METTL15: variants seen among roughly 807,000 people sequenced by gnomAD.
The protein encoded by METTL15 is methyltransferase 15, mitochondrial 12S rRNA N4-cytidine, also known as 12S rRNA N(4)-cytidine methyltransferase METTL15.
A neutral mutation model predicts 38.3 loss-of-function variants in METTL15; 34 were observed. That is an observed-to-expected ratio of 0.89 (90% CI 0.68 to 1.18). The LOEUF is 1.18. METTL15 is among the 50% of genes most tolerant of loss of function. The pLI is 0.00. For missense variants in METTL15, 438 were observed against 498.4 expected (o/e 0.88, Z 1.15); for synonymous variants, 162 against 170.9 (o/e 0.95, Z 0.41).
At chr11:28,256,882 G>A (rs902965796) in intron 4 of METTL15, among the ~76,000 whole-genome samples, 3 of 151,914 alleles carry the variant, frequency 2.0e-5, no homozygotes, top group Non-Finnish European at 4.4e-5. Context: ...TTATCCTACA[G>A]GTTTTGTTAT....
intron 6 of METTL15, among the ~76,000 whole-genome samples, chr11:28,475,315 G>A (rs1851336701): frequency 6.6e-6 from 1 of 152,312 alleles, no homozygotes; most frequent in South Asian, 2.1e-4. Flanking sequence ...CTCTTCACCA[G>A]CTTGGTGGTG....
At chr11:28,382,819 G>C (rs567535628) in intron 5 of METTL15, among the ~76,000 whole-genome samples, 1 of 150,976 alleles carries the variant, frequency 6.6e-6, no homozygotes, top group African/African-American at 2.4e-5. Context: ...TGGGCAACAA[G>C]AGTGAAACTC....
At chr11:28,195,086 T>A (rs1269593610) in intron 3 of METTL15, among the ~76,000 whole-genome samples, 1 of 152,172 alleles carries the variant, frequency 6.6e-6, no homozygotes, top group African/African-American at 2.4e-5. Context: ...ACATTTTCTT[T>A]ATCCACTCTT....
intron 3 of METTL15, among the ~76,000 whole-genome samples, chr11:28,197,715 C>A (rs532792568): frequency 2.0e-5 from 3 of 152,084 alleles, no homozygotes; most frequent in Non-Finnish European, 4.4e-5. Context: ...ATTGTACATG[C>A]ATGTTTGCAC....
intron 3 of METTL15, among the ~76,000 whole-genome samples, chr11:28,348,395 T>C (rs979117801): frequency 1.3e-5 from 2 of 152,208 alleles, no homozygotes; most frequent in African/African-American, 4.8e-5. Context: ...TAAGACAGGG[T>C]CTCACCCTAT....
chr11:28,161,521 A>G (rs1850463375), intron 3 of METTL15, among the ~76,000 whole-genome samples: 1 of 152,184 alleles, frequency 6.6e-6, no homozygotes, highest in African/African-American at 2.4e-5. Flanking sequence ...AGCAGGTCAC[A>G]TTTATTAGTT....
chr11:28,165,876 T>C (rs1156924392), intron 3 of METTL15, among the ~76,000 whole-genome samples: 1 of 152,170 alleles, frequency 6.6e-6, no homozygotes, highest in African/African-American at 2.4e-5. Flanking sequence ...TATGAAGATA[T>C]CCAGTTTTTC....
At chr11:28,507,959 A>C (rs1074267) in intron 6 of METTL15, among the ~76,000 whole-genome samples, 60,520 of 151,962 alleles carry the variant, frequency 0.4, 13,785 homozygotes, top group Admixed American at 0.52. Flanking sequence ...TATCATCTCA[A>C]AACCTCCCAG....
chr11:28,451,264 G>C (rs904982038), intron 6 of METTL15, among the ~76,000 whole-genome samples: 9 of 151,934 alleles, frequency 5.9e-5, no homozygotes, highest in Non-Finnish European at 1.3e-4. Context: ...ATTAACAGGA[G>C]AGAAAAGGAA....
chr11:28,359,899 T>G (rs1850121670), intron 4 of METTL15, among the ~76,000 whole-genome samples: 1 of 152,242 alleles, frequency 6.6e-6, no homozygotes. Context: ...ATCATTTCAC[T>G]TGAGTGATTT....
Position 28,499,012 on chromosome 11 carries a change from A to G in METTL15, c.*425-27466A>G, listed in dbSNP as rs1037908376. 2.1e-4 allele frequency among the ~76,000 whole-genome samples: 32 copies of G among 152,308 alleles called. No homozygotes were observed. The South Asian group carries it at 3.7e-3, about 18-fold the overall frequency. ...TAATACATCTTAACTCTGCTGTATGATCATGGACAAGCTATTGAACTTGTC... is the reference window on the plus strand; with the variant it reads ...TAATACATCTTAACTCTGCTGTATGGTCATGGACAAGCTATTGAACTTGTC... On this transcript the variant is annotated intron_variant and NMD_transcript_variant, in intron 6 of 7. Coordinates refer to the METTL15 transcript ENST00000532947.
intron 2 of METTL15, among the ~76,000 whole-genome samples, chr11:28,110,912 T>C (rs1851689887): frequency 6.6e-6 from 1 of 152,220 alleles, no homozygotes. Flanking sequence ...GCAGTTTTCC[T>C]GACTCCCTGC....
At chr11:28,307,133 C>T (rs1294155231) in intron 6 of METTL15, among the ~76,000 whole-genome samples, 1 of 151,834 alleles carries the variant, frequency 6.6e-6, no homozygotes, top group African/African-American at 2.4e-5. Flanking sequence ...ATCACTTCTA[C>T]TGTATTATAA....
intron 3 of METTL15, among the ~76,000 whole-genome samples, chr11:28,193,106 C>T (rs1437471702): frequency 6.6e-6 from 1 of 152,048 alleles, no homozygotes; most frequent in African/African-American, 2.4e-5. Flanking sequence ...GCCATTCTAT[C>T]TCAGGAGAAT....
At chr11:28,234,747 T>C (rs370344394) in intron 4 of METTL15, among the ~76,000 whole-genome samples, 24 of 140,678 alleles carry the variant, frequency 1.7e-4, no homozygotes, top group Admixed American at 5.0e-4. Context: ...TTCTCCCATT[T>C]TGTAGGTTGC....
intron 2 of METTL15, among the ~76,000 whole-genome samples, chr11:28,111,358 A>T (rs556601400): frequency 1.3e-5 from 2 of 152,226 alleles, no homozygotes; most frequent in Admixed American, 1.3e-4. Flanking sequence ...TTAGTTATCA[A>T]AATCTGGACA....
intron 3 of METTL15, among the ~76,000 whole-genome samples, chr11:28,347,907 A>G (rs1295550695): frequency 6.6e-6 from 1 of 152,206 alleles, no homozygotes; most frequent in African/African-American, 2.4e-5. Flanking sequence ...ATACTTTAGC[A>G]TTTTTGAAGA....
At chr11:28,151,477 C>G (rs954960017) in intron 3 of METTL15, among the ~76,000 whole-genome samples, 4 of 151,936 alleles carry the variant, frequency 2.6e-5, no homozygotes, top group Admixed American at 6.6e-5. Context: ...CATTTTACCT[C>G]TTCAACCTCC....
intron 6 of METTL15, among the ~76,000 whole-genome samples, chr11:28,511,620 T>G (rs1352683329): frequency 1.3e-5 from 2 of 151,974 alleles, no homozygotes; most frequent in East Asian, 3.9e-4. Flanking sequence ...TCGCGGTGAG[T>G]GTTACAGCTC....
Sources: gnomAD v4.1 joint callset for allele counts (sites outside exome capture counted in the v4.1 genomes callset) on GRCh38, gnomAD v4.1.1 for gene constraint, MANE v1.5 for transcripts, NCBI Gene and HGNC (gene_info 2026-07-23, HGNC 2026-07-21) for gene names.